CNTLN: variants seen among roughly 807,000 people sequenced by gnomAD.
CNTLN encodes centlein, also known as centlein, centrosomal protein.
CNTLN carries 212 observed loss-of-function variants against 180.0 expected under a neutral mutation model. The ratio of observed to expected loss-of-function variants is 1.18; its 90% CI spans 1.05 to 1.32. CNTLN has a LOEUF of 1.32. Ranked by LOEUF, CNTLN falls within the 40% of genes most tolerant of loss-of-function variation. The pLI, the probability that CNTLN is intolerant of heterozygous loss-of-function variation, is 0.00. For synonymous variants in CNTLN, 722 were observed against 563.1 expected, an observed-to-expected ratio of 1.28 and a Z score of -3.99; for missense variants, 2,095 against 1,610.9, an observed-to-expected ratio of 1.30 and a Z score of -5.14.
intron 23 of CNTLN, among the ~76,000 whole-genome samples, chr9:17,467,741 T>C (rs1327587273): frequency 4.6e-5 from 7 of 151,628 alleles, no homozygotes; most frequent in Non-Finnish European, 8.9e-5. Context: ...TTTCACTGTT[T>C]AACTTATAGT....
intron 2 of CNTLN, among the ~76,000 whole-genome samples, chr9:17,184,510 A>G (rs1037538361): frequency 3.3e-5 from 5 of 152,086 alleles, no homozygotes; most frequent in African/African-American, 9.7e-5. Flanking sequence ...ATTAAAAGAT[A>G]AAACCAGACA....
chr9:17,177,720 C>T (rs1036943172), intron 2 of CNTLN, among the ~76,000 whole-genome samples: 20 of 152,068 alleles, frequency 1.3e-4, no homozygotes, highest in African/African-American at 4.6e-4. Context: ...TCGATGGCTT[C>T]AGGACTGAAG....
At chr9:17,483,952 A>T (rs759522590) in intron 23 of CNTLN, among the ~76,000 whole-genome samples, 4 of 152,194 alleles carry the variant, frequency 2.6e-5, no homozygotes, top group Non-Finnish European at 4.4e-5. Flanking sequence ...GAATAATGAG[A>T]ACCTGACTCT....
chr9:17,408,186 C>T (rs1002115432), intron 15 of CNTLN, among the ~76,000 whole-genome samples: 1 of 137,142 alleles, frequency 7.3e-6, no homozygotes. Context: ...AAAGTATATA[C>T]GTTAGGAACA....
At chr9:17,442,437 C>G (rs985158045) in intron 18 of CNTLN, among the ~76,000 whole-genome samples, 6 of 152,160 alleles carry the variant, frequency 3.9e-5, no homozygotes, top group Non-Finnish European at 7.3e-5. Flanking sequence ...CTCGCTCTGT[C>G]ACCCAGGCTG....
At chr9:17,501,936 G>T (rs946514721) in intron 25 of CNTLN, among the ~76,000 whole-genome samples, 23 of 152,114 alleles carry the variant, frequency 1.5e-4, no homozygotes, top group Non-Finnish European at 2.2e-4. Flanking sequence ...AATAAAACTT[G>T]ACCAGAAAAG....
In CNTLN at chr9:17,226,223, C is replaced by T; in HGVS notation, c.470C>T (p.Ala157Val). 1 of 1,576,328 alleles carries T rather than the reference C, an allele frequency of 6.3e-7. No homozygotes were observed. The change falls in exon 3 of 26, where the codon GCT (alanine) becomes GTT (valine). Residue 157 changes from alanine to valine, a missense_variant. Coordinates refer to ENST00000380647, the MANE Select transcript of CNTLN (RefSeq NM_017738.4). ...VVEREKQKSE[A>V]KDRKVLEILQ... The stretch of plus-strand genomic sequence containing the variant: ...TCTAGAGAAAAACAGAAATCTGAAG[C>T]TAAAGACAGAAAAGTTCTAGAAATT...
At chr9:17,193,390 A>G (rs1821914911) in intron 2 of CNTLN, among the ~76,000 whole-genome samples, 1 of 152,176 alleles carries the variant, frequency 6.6e-6, no homozygotes. Context: ...TCCCAGATAC[A>G]ATGGGGGTAC....
intron 13 of CNTLN, among the ~76,000 whole-genome samples, chr9:17,383,336 C>T (rs1825408260): frequency 6.6e-6 from 1 of 151,412 alleles, no homozygotes; most frequent in African/African-American, 2.4e-5. Context: ...TGAGACCAGC[C>T]TGGGCAACCC....
chr9:17,397,475 G>A (rs1294554488), intron 15 of CNTLN, among the ~76,000 whole-genome samples: 1 of 152,172 alleles, frequency 6.6e-6, no homozygotes, highest in East Asian at 1.9e-4. Context: ...AACTGTCATG[G>A]CACTGGTGGG....
At chr9:17,353,927 G>T (rs1454431913) in intron 12 of CNTLN, among the ~76,000 whole-genome samples, 1 of 152,216 alleles carries the variant, frequency 6.6e-6, no homozygotes, top group African/African-American at 2.4e-5. Context: ...CTTACAGGGA[G>T]GTGTGGAGGG....
chr9:17,467,940 C>T (rs1166862925), intron 23 of CNTLN, among the ~76,000 whole-genome samples: 3 of 151,524 alleles, frequency 2.0e-5, no homozygotes, highest in Admixed American at 6.6e-5. Context: ...CACATGCATG[C>T]GTATGTTCAT....
chr9:17,326,076 A>G (rs572526635), intron 8 of CNTLN, among the ~76,000 whole-genome samples: 3 of 152,212 alleles, frequency 2.0e-5, no homozygotes, highest in Middle Eastern at 3.4e-3. Flanking sequence ...TATTTAATAT[A>G]TATCTTCTAC....
Position 17,296,210 on chromosome 9 carries a change from A to G in CNTLN, c.984-1980A>G, listed in dbSNP as rs186541828. Among the ~76,000 whole-genome samples the G allele has an allele frequency of 5.2e-3, 786 of 152,126 alleles. 7 individuals carry two copies. Among genetic ancestry groups the G allele is most frequent in the Middle Eastern group, 0.01 (3 of 294 alleles). On this transcript the variant is annotated intron_variant, in intron 6 of 25. Transcript: ENST00000380647. ...TAGAGACGGGGTTTCACTATTGGTC[A>G]GGCTGGTCTCGAACTCCTGACCTCA...
intron 16 of CNTLN, among the ~76,000 whole-genome samples, chr9:17,412,880 A>T (rs577513465): frequency 2.0e-5 from 3 of 152,338 alleles, no homozygotes; most frequent in African/African-American, 7.2e-5. Context: ...AACAAAATAG[A>T]CCTAAAACAA....
chr9:17,381,242 C>T (rs1825230395), intron 13 of CNTLN, among the ~76,000 whole-genome samples: 1 of 152,186 alleles, frequency 6.6e-6, no homozygotes, highest in Non-Finnish European at 1.5e-5. Flanking sequence ...AGTGTCCACT[C>T]CTTTGATATG....
Position 17,298,319 on chromosome 9 carries a change from T to C in CNTLN, c.1113T>C (p.Asp371=), listed in dbSNP as rs750054863. 9.7e-5 allele frequency: 156 copies of C among 1,613,068 alleles called. No homozygotes were observed. The highest frequency in any genetic ancestry group is 1.3e-4 in the Non-Finnish European group (153 of 1,179,716). The change falls in exon 7 of 26, where the codon GAT becomes GAC. Residue 371 remains aspartate, a synonymous_variant. Coordinates refer to ENST00000380647, the MANE Select transcript of CNTLN (RefSeq NM_017738.4). ...AAAAAGTACTGAGAAATCAGGAAGATGTTCACACAGCTGAAAGTATATCAT... is the reference window on the plus strand; with the variant it reads ...AAAAAGTACTGAGAAATCAGGAAGACGTTCACACAGCTGAAAGTATATCAT... The part of the protein sequence containing the change: ...DTQKVLRNQE[D]VHTAESISYQ...
chr9:17,351,308 A>G (rs926847584), intron 12 of CNTLN, among the ~76,000 whole-genome samples: 1 of 152,192 alleles, frequency 6.6e-6, no homozygotes, highest in Non-Finnish European at 1.5e-5. Flanking sequence ...CCATGATTTT[A>G]GTCATTTCTT....
intron 7 of CNTLN, among the ~76,000 whole-genome samples, chr9:17,307,912 G>C (rs1818831746): frequency 1.3e-5 from 2 of 150,962 alleles, no homozygotes; most frequent in African/African-American, 4.9e-5. Flanking sequence ...ATATAATTTT[G>C]AGATTTTTAC....
Sources: allele counts gnomAD v4.1 joint callset (sites outside exome capture counted in the v4.1 genomes callset), GRCh38; gene constraint gnomAD v4.1.1; transcripts MANE v1.5; gene names NCBI Gene and HGNC (gene_info 2026-07-23, HGNC 2026-07-21).